HNRNPA3: variants seen among roughly 807,000 people sequenced by gnomAD.
HNRNPA3 encodes the protein heterogeneous nuclear ribonucleoprotein A3, also known as epididymis secretory sperm binding protein.
Under a neutral mutation model 45.8 loss-of-function variants are expected in HNRNPA3, and 3 were observed. The observed-to-expected ratio is 0.07, with a 90% CI of 0.03 to 0.17. The LOEUF (loss-of-function observed/expected upper bound fraction) is 0.17. HNRNPA3 is among the 10% of genes least tolerant of loss of function. HNRNPA3 has a pLI of 1.00. For synonymous variants in HNRNPA3, 170 were observed against 155.6 expected, an observed-to-expected ratio of 1.09 and a Z score of -0.69; for missense variants, 183 against 480.3, an observed-to-expected ratio of 0.38 and a Z score of 5.79.
chr2:177,217,385 A>G (rs1320118017), intron 7 of HNRNPA3, among the ~76,000 whole-genome samples: 2 of 152,244 alleles, frequency 1.3e-5, no homozygotes, highest in African/African-American at 4.8e-5. Context: ...GAGTAATTCT[A>G]GCTATTCAGG....
At chr2:177,213,241 C>G (rs1470332222) in intron 1 of HNRNPA3, among the ~76,000 whole-genome samples, 1 of 152,286 alleles carries the variant, frequency 6.6e-6, no homozygotes. Flanking sequence ...TCCGGGCGAG[C>G]GAGCAAGCGG....
chr2:177,219,080 T>C (rs1689081858), exon 9 of HNRNPA3: 2 of 1,614,126 alleles, frequency 1.2e-6, no homozygotes, highest in African/African-American at 1.3e-5. Flanking sequence ...TTGGAAATTA[T>C]AGTGGACAAC....
intron 1 of HNRNPA3, 73 bp from the exon 2 acceptor site, chr2:177,215,466 A>G: frequency 2.1e-6 from 3 of 1,421,404 alleles, no homozygotes; most frequent in African/African-American, 2.8e-5. Context: ...TACTTACCGT[A>G]CATTAAAGGC....
At chr2:177,221,098 A>G (rs1689170738), downstream of HNRNPA3, 1 of 152,666 alleles carries the variant, frequency 6.6e-6, no homozygotes, top group African/African-American at 2.4e-5. Context: ...TGGTCTTCAC[A>G]CATACTGCAG....
Position 177,216,468 on chromosome 2 carries a change from A to G in HNRNPA3, c.554-35A>G. 2.0e-6 allele frequency: 3 copies of G among 1,485,622 alleles called. No individual in the cohort carries two copies. The South Asian group carries it at 3.4e-5, about 17-fold the overall frequency. 92.0% of individuals were successfully genotyped at this position (1,485,622 alleles called of 1,614,324 possible). A position where few individuals can be genotyped will look rare whatever the true frequency, so the allele number is the denominator to read the frequency against. ...ATATGTGCTTTTCCAAACATAAAAT[A>G]ACTTTTTGTTTTGTTTGATTGAAAA... On this transcript the variant is annotated intron_variant, in intron 4 of 10. Coordinates refer to ENST00000392524, the Ensembl canonical transcript of HNRNPA3.
At chr2:177,213,835 C>T (rs929626379) in intron 1 of HNRNPA3, among the ~76,000 whole-genome samples, 2 of 152,198 alleles carry the variant, frequency 1.3e-5, no homozygotes, top group African/African-American at 4.8e-5. Flanking sequence ...AGGACTGCAA[C>T]CAGAGTTGAA....
At chr2:177,220,981 TA>T (rs1214980216), downstream of HNRNPA3, 1 of 152,538 alleles carries the variant, frequency 6.6e-6, no homozygotes, top group Non-Finnish European at 1.5e-5. Context: ...AAACAAGCAA[TA>T]AAAAGGGGAA....
downstream of HNRNPA3, chr2:177,222,935 T>C (rs1689246016): frequency 6.6e-6 from 1 of 152,644 alleles, no homozygotes; most frequent in South Asian, 2.1e-4. Flanking sequence ...GGGGGCCTAA[T>C]TACTGCTCCT....
chr2:177,218,439 T>C (rs977823063), intron 8 of HNRNPA3, among the ~76,000 whole-genome samples: 2 of 152,148 alleles, frequency 1.3e-5, no homozygotes, highest in African/African-American at 2.4e-5. Context: ...GTGTAAAAGA[T>C]TGGGAGTTTA....
exon 10 of HNRNPA3, chr2:177,219,283 G>T: frequency 6.2e-7 from 1 of 1,613,508 alleles, no homozygotes; most frequent in East Asian, 2.2e-5. Context: ...GGTGGATATG[G>T]TAGCAGAAGG....
chr2:177,222,655 T>G (rs1689233583), downstream of HNRNPA3: 1 of 152,024 alleles, frequency 6.6e-6, no homozygotes, highest in Non-Finnish European at 1.5e-5. Context: ...AATAGAAAAA[T>G]TAGTTGGGCT....
downstream of HNRNPA3, chr2:177,222,514 A>G (rs1229797688): frequency 6.6e-6 from 1 of 152,314 alleles, no homozygotes; most frequent in Admixed American, 6.5e-5. Flanking sequence ...AAGGAACATT[A>G]AAAGTTACCA....
chr2:177,217,328 C>T (rs1340725841), intron 7 of HNRNPA3, among the ~76,000 whole-genome samples: 2 of 152,210 alleles, frequency 1.3e-5, no homozygotes, highest in Admixed American at 6.5e-5. Context: ...TAAATCAATT[C>T]ATTGGCTTAT....
chr2:177,213,427 T>G (rs1688776251), intron 1 of HNRNPA3, among the ~76,000 whole-genome samples: 1 of 152,338 alleles, frequency 6.6e-6, no homozygotes, highest in African/African-American at 2.4e-5. Flanking sequence ...AGGTAGTGCT[T>G]TCGCTGAAGT....
At position 177,214,511 on chromosome 2, in the gene HNRNPA3, A is replaced by T. The variant is rs148199429; in HGVS notation, c.73-1028A>T. On this transcript the variant is annotated intron_variant, in intron 1 of 10. Coordinates refer to ENST00000392524, the Ensembl canonical transcript of HNRNPA3. ...TCATCACAGTTTTGAGTTTAAATGTATGGGCCGGGCGCTGTGGCTCACGCC... is the reference window on the plus strand; with the variant it reads ...TCATCACAGTTTTGAGTTTAAATGTTTGGGCCGGGCGCTGTGGCTCACGCC... 3.0e-3 allele frequency among the ~76,000 whole-genome samples: 450 copies of T among 152,316 alleles called. 10 individuals are homozygous for T. The East Asian group carries it at 0.044, about 15-fold the overall frequency.
chr2:177,213,853 C>A (rs1046760683), intron 1 of HNRNPA3, among the ~76,000 whole-genome samples: 5 of 152,218 alleles, frequency 3.3e-5, no homozygotes, highest in African/African-American at 1.2e-4. Context: ...GAAATTTTCA[C>A]GTTTTTGCAG....
At chr2:177,214,681 G>C (rs954085477) in intron 1 of HNRNPA3, among the ~76,000 whole-genome samples, 1 of 152,182 alleles carries the variant, frequency 6.6e-6, no homozygotes, top group Non-Finnish European at 1.5e-5. Flanking sequence ...CGTAGTCCCA[G>C]CTACTCGGGA....
chr2:177,216,746 C>T (rs766129415), exon 6 of HNRNPA3: 21 of 1,614,044 alleles, frequency 1.3e-5, no homozygotes, highest in African/African-American at 6.7e-5. Flanking sequence ...GTAATTTTGG[C>T]CGTGGTGGAA....
At chr2:177,220,727 ACT>A (rs1309150215), downstream of HNRNPA3, 1 of 152,648 alleles carries the variant, frequency 6.6e-6, no homozygotes, top group Non-Finnish European at 1.5e-5. Context: ...CAAAGAACAC[ACT>A]GTTATTTCTT....
Sources: allele counts gnomAD v4.1 joint callset (sites outside exome capture counted in the v4.1 genomes callset), GRCh38; gene constraint gnomAD v4.1.1; transcripts MANE v1.5; gene names NCBI Gene and HGNC (gene_info 2026-07-23, HGNC 2026-07-21).